The following PCLO variants were observed in gnomAD, a reference collection of about 807,000 sequenced individuals.
PCLO encodes the protein piccolo presynaptic cytomatrix protein, also known as protein piccolo.
Under a neutral mutation model 427.5 loss-of-function variants are expected in PCLO, and 82 were observed. That is an observed-to-expected ratio of 0.19 (90% confidence interval 0.16 to 0.23). The LOEUF is 0.23. PCLO is among the 10% of genes least tolerant of loss of function. The probability of loss-of-function intolerance (pLI) is 1.00; values close to 1 mark genes in which losing one functional copy is unlikely to be tolerated. For synonymous variants in PCLO, 2,357 were observed against 2,155.4 expected (o/e 1.09, Z -2.59); for missense variants, 6,239 against 6,115.9 (o/e 1.02, Z -0.67).
At chr7:82,824,052 G>A (rs1258031056) in intron 19 of PCLO, among the ~76,000 whole-genome samples, 184 bp downstream of exon 19, 3 of 152,118 alleles carry the variant, frequency 2.0e-5, no homozygotes, top group Non-Finnish European at 4.4e-5. Context: ...ACCTAAGTAT[G>A]GGTGATGATC....
At position 83,154,848 on chromosome 7, in the gene PCLO, A is replaced by T; in HGVS notation, c.1793T>A (p.Leu598Gln). The T allele has an allele frequency of 6.2e-7, 1 of 1,614,036 alleles. No homozygotes were observed. The highest frequency in any genetic ancestry group is 8.5e-7 in the Non-Finnish European group (1 of 1,179,894). ...ICPLCNTTEL[L>Q]LHVPEKANFN... ...ATTGGCCTTTTCTGGAACATGCAAC[A>T]GAAGTTCAGTGGTATTGCAAAGAGG... The change falls in exon 2 of 25, where the codon CTG becomes CAG. Residue 598 changes from leucine (L) to glutamine (Q), a missense_variant. Leu to Gln is a moderately radical substitution (Grantham distance 113). Around this residue, in one of 5 missense-constraint regions of PCLO, gnomAD observed 4,677 missense variants for 4,468.4 expected, o/e 1.05. Coordinates refer to ENST00000333891, the MANE Select transcript of PCLO (RefSeq NM_033026.6).
rs766221241 is a variant in PCLO, at chr7:82,950,175, G to A, written c.10413C>T (p.Ser3471=). ...CCTGATCTTCATCATCAGTTTGGAC[G>A]CTTGTATCCACACTCTTTTTAGTTC... is the stretch of plus-strand genomic sequence containing the variant. ...RRRTKKSVDT[S]VQTDDEDQDE... is the part of the protein sequence containing the mutation. Residue 3471 remains serine (S), a synonymous_variant, in exon 6 of 25, where the codon AGC becomes AGT. Coordinates refer to ENST00000333891, the MANE Select transcript of PCLO (RefSeq NM_033026.6). The A allele has an allele frequency of 5.6e-6, 9 of 1,610,816 alleles. No individual in the cohort carries two copies. Among genetic ancestry groups the A allele is most frequent in the African/African-American group, 2.7e-5 (2 of 73,754 alleles).
rs368780611 is a variant in PCLO at position 82,950,500 on chromosome 7, A to G, written c.10088T>C (p.Val3363Ala). Residue 3363 changes from valine to alanine, a missense_variant, in exon 6 of 25, where the codon GTG (valine) becomes GCG (alanine). By Grantham distance (64) the Val-to-Ala change is moderately conservative. This residue lies in a region of PCLO where 4,677 missense variants were observed against 4,468.4 expected (regional missense o/e 1.05). Coordinates refer to ENST00000333891, the MANE Select transcript of PCLO (RefSeq NM_033026.6). The part of the protein sequence containing the change: ...EDATTTASAV[V>A]AIEIPQSQGW... ...TTGGCTTTGTGGTATTTCAATTGCC[A>G]CAACAGCTGAAGCTGTGGTGGTTGC... 1.2e-6 allele frequency: 2 copies of G among 1,613,820 alleles called. No individual in the cohort carries two copies. Among genetic ancestry groups the G allele is most frequent in the East Asian group, 2.2e-5 (1 of 44,806 alleles).
chr7:83,046,080 T>C (rs1023188306), intron 3 of PCLO, among the ~76,000 whole-genome samples: 1 of 152,106 alleles, frequency 6.6e-6, no homozygotes, highest in Non-Finnish European at 1.5e-5. Flanking sequence ...CAGTCTGTGA[T>C]GTTTGTACCC....
rs780796269 is a variant in PCLO, at chr7:82,951,049, G to C, written c.9539C>G (p.Ser3180Cys). ...GGATGCTGTGGTTAAAGTGGGAACA[G>C]AGTCTATCGTCTCAGCAGTAAGAGA... ...MESLTAETID[S>C]VPTLTTASEV... Residue 3180 changes from serine to cysteine, a missense_variant, in exon 6 of 25, where the codon TCT (serine) becomes TGT (cysteine). Physicochemically the swap from Ser to Cys is moderately radical, Grantham distance 112. Transcript: ENST00000333891. The C allele has an allele frequency of 1.9e-6, 3 of 1,613,922 alleles. 1 individual carries two copies. The highest frequency in any genetic ancestry group is 1.1e-5 in the South Asian group (1 of 91,082).
chr7:82,921,706 C>G (rs1388907915), intron 6 of PCLO, among the ~76,000 whole-genome samples: 1 of 151,896 alleles, frequency 6.6e-6, no homozygotes, highest in Admixed American at 6.6e-5. Flanking sequence ...ATGATGAAGA[C>G]TCTGAAAGCA....
chr7:82,771,574 G>T (rs6955798), intron 22 of PCLO, among the ~76,000 whole-genome samples: 9,655 of 151,848 alleles, frequency 0.064, 715 homozygotes, highest in African/African-American at 0.18. Flanking sequence ...TTGTTTTTTA[G>T]CAACCATTTT....
chr7:83,135,820 C>T (rs889984031), intron 2 of PCLO, among the ~76,000 whole-genome samples, 164 bp from the exon 3 acceptor site: 4 of 151,926 alleles, frequency 2.6e-5, no homozygotes, highest in African/African-American at 9.7e-5. Context: ...TAATTAATTG[C>T]CAGGCGTGGT....
intron 9 of PCLO, among the ~76,000 whole-genome samples, chr7:82,895,435 C>G (rs952006263): frequency 2.0e-5 from 3 of 151,602 alleles, no homozygotes; most frequent in Non-Finnish European, 4.4e-5. Flanking sequence ...AGCTAACTAA[C>G]TACAAAATAA....
intron 3 of PCLO, among the ~76,000 whole-genome samples, chr7:83,120,191 C>T (rs1242916805): frequency 6.6e-6 from 1 of 151,790 alleles, no homozygotes; most frequent in Non-Finnish European, 1.5e-5. Context: ...CTCTTGAAGT[C>T]AGGAGTTCGA....
At chr7:82,841,640 G>A (rs1792369594) in intron 13 of PCLO, 131 bp from the exon 14 acceptor site, 1 of 629,022 alleles carries the variant, frequency 1.6e-6, no homozygotes, top group African/African-American at 1.9e-5. Context: ...TATCCATTTG[G>A]CTGCTTCAGA....
intron 22 of PCLO, among the ~76,000 whole-genome samples, chr7:82,785,361 C>T (rs1790963239): frequency 1.3e-5 from 2 of 152,114 alleles, no homozygotes; most frequent in African/African-American, 2.4e-5. Context: ...AGGTGATGCT[C>T]GCTTGGCTGC....
chr7:83,006,547 T>G (rs1434567644), intron 3 of PCLO, among the ~76,000 whole-genome samples: 1 of 151,496 alleles, frequency 6.6e-6, no homozygotes, highest in Admixed American at 6.6e-5. Context: ...ACAATAATTA[T>G]TCCTTCATTG....
At chr7:82,792,089 C>T (rs921295451) in intron 22 of PCLO, among the ~76,000 whole-genome samples, 55 of 152,062 alleles carry the variant, frequency 3.6e-4, no homozygotes, top group African/African-American at 1.3e-3. Flanking sequence ...AAAAAACTTT[C>T]TCTATTCAAC....
At chr7:82,984,932 C>A (rs927179180) in intron 3 of PCLO, among the ~76,000 whole-genome samples, 1 of 151,828 alleles carries the variant, frequency 6.6e-6, no homozygotes, top group Non-Finnish European at 1.5e-5. Flanking sequence ...TAGAGTACTG[C>A]ATAAAATCAA....
At chr7:82,913,765 A>G (rs1300171510) in intron 7 of PCLO, among the ~76,000 whole-genome samples, 1 of 151,994 alleles carries the variant, frequency 6.6e-6, no homozygotes, top group Non-Finnish European at 1.5e-5. Context: ...ATGGTTGTAT[A>G]TCTTTAAACA....
intron 2 of PCLO, among the ~76,000 whole-genome samples, chr7:83,148,470 T>C (rs147925485): frequency 2.3e-3 from 355 of 152,290 alleles, no homozygotes; most frequent in Non-Finnish European, 4.1e-3. Context: ...ATTCCCAGAG[T>C]CTAGAACACA....
chr7:82,774,763 A>G (rs1424729239), intron 22 of PCLO, among the ~76,000 whole-genome samples: 1 of 152,182 alleles, frequency 6.6e-6, no homozygotes, highest in Non-Finnish European at 1.5e-5. Flanking sequence ...AGTATCGCCC[A>G]AAGTCCAACA....
Position 82,954,306 on chromosome 7 carries a change from A to G in PCLO, c.6647T>C (p.Met2216Thr). The change falls in exon 5 of 25, where the codon ATG (methionine) becomes ACG (threonine). Residue 2216 changes from methionine to threonine, a missense_variant. Physicochemically the swap from Met to Thr is moderately conservative, Grantham distance 81. Coordinates refer to ENST00000333891, the MANE Select transcript of PCLO (RefSeq NM_033026.6). Reference protein sequence around the residue: ...ITTVYTEPVDMITKFEDSEEI... With the variant: ...ITTVYTEPVDTITKFEDSEEI... Reference sequence around the variant, plus strand: ...CTCAGAATCTTCAAATTTAGTTATCATGTCCACTGGCTCTGTATAAACTGT... The same window carrying G: ...CTCAGAATCTTCAAATTTAGTTATCGTGTCCACTGGCTCTGTATAAACTGT... 6.2e-7 allele frequency: 1 copy of G among 1,613,736 alleles called. No individual in the cohort carries two copies. Among genetic ancestry groups the G allele is most frequent in the South Asian group, 1.1e-5 (1 of 91,076 alleles).
Sources: gnomAD v4.1 joint callset for allele counts (sites outside exome capture counted in the v4.1 genomes callset) on GRCh38, gnomAD v4.1.1 for gene constraint, gnomAD v4.1.1 regional missense constraint, MANE v1.5 for transcripts, NCBI Gene and HGNC (gene_info 2026-07-23, HGNC 2026-07-21) for gene names.